ASCC3: variants seen among roughly 807,000 people sequenced by gnomAD.
ASCC3 encodes the protein activating signal cointegrator 1 complex subunit 3.
In ASCC3, 158 loss-of-function variants were observed where a neutral mutation model predicts 256.3. The observed-to-expected ratio is 0.62, with a 90% CI of 0.54 to 0.70. ASCC3 has a LOEUF of 0.70. Ranked by LOEUF, ASCC3 falls within the 30% of genes least tolerant of loss-of-function variation. ASCC3 has a pLI of 0.00. For synonymous variants in ASCC3, 948 were observed against 883.4 expected (o/e 1.07, Z -1.30); for missense variants, 2,259 against 2,626.0 (o/e 0.86, Z 3.05).
At chr6:100,637,439 A>G (rs1216137918) in intron 25 of ASCC3, among the ~76,000 whole-genome samples, 2 of 152,336 alleles carry the variant, frequency 1.3e-5, no homozygotes, top group Non-Finnish European at 1.5e-5. Context: ...ACATGTACAA[A>G]GAGATGAATG....
chr6:100,535,139 G>A lies in ASCC3; in HGVS notation c.5775+5024C>T, dbSNP rs143809448. On this transcript the variant is annotated intron_variant, in intron 37 of 41. Coordinates refer to ENST00000369162, the MANE Select transcript of ASCC3 (RefSeq NM_006828.4). ...ATGGCCTTATACTAAAATGGCAGCA[G>A]AGGAGAATTTACAGTCAGAACTGGT... Among the ~76,000 whole-genome samples, 70 of 152,292 alleles carry A rather than the reference G, an allele frequency of 4.6e-4. No individual in the cohort carries two copies. The East Asian group carries it at 0.012, about 27-fold the overall frequency.
intron 3 of ASCC3, among the ~76,000 whole-genome samples, chr6:100,863,084 T>C (rs1400688253): frequency 1.3e-5 from 2 of 152,194 alleles, no homozygotes; most frequent in African/African-American, 4.8e-5. Context: ...AATAGGTGTA[T>C]GGACATTTTA....
intron 3 of ASCC3, among the ~76,000 whole-genome samples, chr6:100,855,110 CT>C (rs66722196): frequency 0.22 from 33,212 of 147,752 alleles, 4,123 homozygotes; most frequent in Middle Eastern, 0.31. Context: ...TGTCAAGAAC[CT>C]TTTTTTTTTT....
At chr6:100,849,992 C>T (rs149812622) in intron 3 of ASCC3, among the ~76,000 whole-genome samples, 21,200 of 148,324 alleles carry the variant, frequency 0.14, 1,872 homozygotes, top group Non-Finnish European at 0.2. Flanking sequence ...CCCAGCTACT[C>T]GAGAGGCTGA....
At chr6:100,649,104 G>T (rs1775533783) in intron 20 of ASCC3, among the ~76,000 whole-genome samples, 1 of 151,726 alleles carries the variant, frequency 6.6e-6, no homozygotes, top group Admixed American at 6.6e-5. Flanking sequence ...GATGCATTCA[G>T]GGATGCTAAA....
intron 8 of ASCC3, among the ~76,000 whole-genome samples, chr6:100,771,879 T>G (rs996763699): frequency 1.8e-4 from 25 of 138,682 alleles, no homozygotes; most frequent in South Asian, 7.6e-4. Flanking sequence ...TTTTTTTTTT[T>G]TTTTTTTTTT....
At chr6:100,752,511 T>C (rs1001333527) in intron 10 of ASCC3, among the ~76,000 whole-genome samples, 1 of 152,262 alleles carries the variant, frequency 6.6e-6, no homozygotes, top group East Asian at 1.9e-4. Flanking sequence ...CAGCCATCTT[T>C]TCCTACTCAA....
At chr6:100,722,638 TTAAC>T (rs1779397022) in intron 11 of ASCC3, among the ~76,000 whole-genome samples, 2 of 151,916 alleles carry the variant, frequency 1.3e-5, no homozygotes, top group South Asian at 2.1e-4. Flanking sequence ...TAAATGTTCA[TTAAC>T]TGAATGAATG....
At chr6:100,826,264 TG>T (rs1373054732) in intron 4 of ASCC3, among the ~76,000 whole-genome samples, 1 of 152,058 alleles carries the variant, frequency 6.6e-6, no homozygotes, top group African/African-American at 2.4e-5. Flanking sequence ...CCTGAGTAGC[TG>T]GGACTACAGG....
At chr6:100,818,513 C>T (rs1430046643) in intron 4 of ASCC3, among the ~76,000 whole-genome samples, 4 of 144,828 alleles carry the variant, frequency 2.8e-5, no homozygotes, top group African/African-American at 5.2e-5. Flanking sequence ...TGGAGGTTGC[C>T]GAGAGCCAAG....
intron 16 of ASCC3, among the ~76,000 whole-genome samples, chr6:100,659,987 A>G (rs1434747882): frequency 6.6e-6 from 1 of 151,550 alleles, no homozygotes. Context: ...CTACATTTGA[A>G]ATATAGTCTT....
At chr6:100,780,874 A>G (rs1782411113) in intron 8 of ASCC3, among the ~76,000 whole-genome samples, 2 of 152,224 alleles carry the variant, frequency 1.3e-5, no homozygotes, top group Non-Finnish European at 2.9e-5. Context: ...TCCCAACCTA[A>G]GCCTCATTAC....
At chr6:100,579,610 AT>A (rs922894792) in intron 36 of ASCC3, among the ~76,000 whole-genome samples, 12 of 151,212 alleles carry the variant, frequency 7.9e-5, no homozygotes, top group Non-Finnish European at 1.6e-4. Flanking sequence ...TCTTTTTCCC[AT>A]TTTTTTTGGT....
chr6:100,572,854 ATAAT>A (rs1770668201), intron 36 of ASCC3, among the ~76,000 whole-genome samples: 2 of 152,278 alleles, frequency 1.3e-5, no homozygotes, highest in South Asian at 2.1e-4. Flanking sequence ...AAGGTCATAC[ATAAT>A]TTTAAAAGTA....
chr6:100,718,702 A>G (rs1437759914), intron 11 of ASCC3, among the ~76,000 whole-genome samples: 1 of 152,090 alleles, frequency 6.6e-6, no homozygotes, highest in Non-Finnish European at 1.5e-5. Flanking sequence ...CATGTCACTG[A>G]GCTCCAACAT....
chr6:100,708,087 A>G (rs1269665172), intron 13 of ASCC3, among the ~76,000 whole-genome samples: 1 of 152,162 alleles, frequency 6.6e-6, no homozygotes, highest in Non-Finnish European at 1.5e-5. Context: ...TTCTCAAAAT[A>G]TGATACAAAA....
chr6:100,745,268 A>G (rs1780607993), intron 10 of ASCC3, among the ~76,000 whole-genome samples: 1 of 152,118 alleles, frequency 6.6e-6, no homozygotes. Context: ...CAGAGGTTGC[A>G]GTGAGCCGAG....
chr6:100,847,739 G>A (rs1200457494), intron 4 of ASCC3, among the ~76,000 whole-genome samples: 1 of 152,152 alleles, frequency 6.6e-6, no homozygotes, highest in Non-Finnish European at 1.5e-5. Context: ...GTTACCTAAA[G>A]TGTCACAACC....
Position 100,643,525 on chromosome 6 carries a change from C to T in ASCC3, c.3732+506G>A, listed in dbSNP as rs149364619. Among the ~76,000 whole-genome samples the T allele has an allele frequency of 3.2e-4, 49 of 152,160 alleles. No individual in the cohort carries two copies. The East Asian group carries it at 5.4e-3, about 17-fold the overall frequency. On this transcript the variant is annotated intron_variant, in intron 23 of 41. Transcript: ENST00000369162. ...AATGGTTCTGAAAAATGTGTCATTA[C>T]GTAATTTTGTCTTAAGAACATCATA...
Sources: allele counts gnomAD v4.1 joint callset (sites outside exome capture counted in the v4.1 genomes callset), GRCh38; gene constraint gnomAD v4.1.1; transcripts MANE v1.5; gene names NCBI Gene and HGNC (gene_info 2026-07-23, HGNC 2026-07-21).